AGBL4: variants seen among roughly 807,000 people sequenced by gnomAD.
AGBL4 encodes the protein AGBL carboxypeptidase 4, also known as cytosolic carboxypeptidase 6.
Under a neutral mutation model 66.4 loss-of-function variants are expected in AGBL4, and 58 were observed. That is an observed-to-expected ratio of 0.87 (90% CI 0.71 to 1.09). The LOEUF (loss-of-function observed/expected upper bound fraction) is 1.09. Among genes scored for constraint, AGBL4 ranks in the 50% least tolerant of loss-of-function variants. The probability of loss-of-function intolerance (pLI) is 0.00; values close to 1 mark genes in which losing one functional copy is unlikely to be tolerated. For missense variants in AGBL4, 579 were observed against 631.0 expected (o/e 0.92, Z 0.88); for synonymous variants, 234 against 222.9 (o/e 1.05, Z -0.44).
At chr1:49,700,285 T>C (rs1016616091) in intron 2 of AGBL4, among the ~76,000 whole-genome samples, 2 of 145,460 alleles carry the variant, frequency 1.4e-5, no homozygotes, top group African/African-American at 5.1e-5. Flanking sequence ...ACCAAGAACA[T>C]ATAAAAACAT....
At chr1:49,328,078 A>T (rs1310235139) in intron 3 of AGBL4, among the ~76,000 whole-genome samples, 1 of 152,168 alleles carries the variant, frequency 6.6e-6, no homozygotes, top group Non-Finnish European at 1.5e-5. Context: ...ACAACAAACC[A>T]AAGGTGAAAG....
At chr1:49,909,835 G>C (rs1650640486) in intron 1 of AGBL4, among the ~76,000 whole-genome samples, 1 of 152,114 alleles carries the variant, frequency 6.6e-6, no homozygotes, top group African/African-American at 2.4e-5. Context: ...GAGGATTTAA[G>C]AATAACTTCA....
At chr1:49,157,025 A>G (rs1646444296) in intron 4 of AGBL4, among the ~76,000 whole-genome samples, 1 of 152,292 alleles carries the variant, frequency 6.6e-6, no homozygotes, top group South Asian at 2.1e-4. Flanking sequence ...GTGGGGGTTA[A>G]CTATATTTAT....
intron 1 of AGBL4, among the ~76,000 whole-genome samples, chr1:49,884,302 GGT>G (rs1647770591): frequency 6.6e-6 from 1 of 151,664 alleles, no homozygotes; most frequent in Admixed American, 6.6e-5. Flanking sequence ...TTGTTCTGAA[GGT>G]TATGTAAAAC....
At chr1:49,964,205 T>C (rs1657363082) in intron 1 of AGBL4, among the ~76,000 whole-genome samples, 1 of 152,154 alleles carries the variant, frequency 6.6e-6, no homozygotes, top group Non-Finnish European at 1.5e-5. Context: ...ACATATAATG[T>C]AATGGTGAAG....
chr1:49,976,767 T>C (rs1280094415), intron 1 of AGBL4, among the ~76,000 whole-genome samples: 1 of 152,176 alleles, frequency 6.6e-6, no homozygotes, highest in African/African-American at 2.4e-5. Context: ...CATATATACA[T>C]AGTTTTAAAA....
At chr1:49,749,273 C>T (rs1282045394) in intron 2 of AGBL4, among the ~76,000 whole-genome samples, 3 of 152,034 alleles carry the variant, frequency 2.0e-5, no homozygotes, top group East Asian at 1.9e-4. Flanking sequence ...ATCCTTTCCC[C>T]ATTGCTTGTT....
chr1:49,912,511 C>T (rs1047339136), intron 1 of AGBL4, among the ~76,000 whole-genome samples: 1 of 152,202 alleles, frequency 6.6e-6, no homozygotes, highest in Non-Finnish European at 1.5e-5. Context: ...ATCTTCGCAA[C>T]AACCCTATGA....
chr1:49,719,988 T>A (rs1648473411), intron 2 of AGBL4, among the ~76,000 whole-genome samples: 1 of 152,060 alleles, frequency 6.6e-6, no homozygotes. Flanking sequence ...CCTCTTTCCT[T>A]TATAAATTAC....
At chr1:49,330,913 G>C (rs1325500207) in intron 3 of AGBL4, among the ~76,000 whole-genome samples, 1 of 152,100 alleles carries the variant, frequency 6.6e-6, no homozygotes, top group Non-Finnish European at 1.5e-5. Flanking sequence ...TTGACCCATG[G>C]AGAACAGAGG....
At chr1:49,556,982 G>T (rs531012888) in intron 3 of AGBL4, among the ~76,000 whole-genome samples, 1 of 152,256 alleles carries the variant, frequency 6.6e-6, no homozygotes, top group Admixed American at 6.5e-5. Flanking sequence ...GGCGGTGCCT[G>T]CCGGCTGCTA....
chr1:49,728,213 C>T (rs917483669), intron 2 of AGBL4, among the ~76,000 whole-genome samples: 3 of 152,096 alleles, frequency 2.0e-5, no homozygotes, highest in African/African-American at 7.2e-5. Context: ...GAAGGAAAAT[C>T]CATTTTGCAA....
chr1:49,881,986 A>G (rs1286799242), intron 1 of AGBL4, among the ~76,000 whole-genome samples: 24 of 152,032 alleles, frequency 1.6e-4, no homozygotes, highest in East Asian at 1.2e-3. Flanking sequence ...GAATGGTAAT[A>G]CCTAGGTTTT....
At chr1:48,818,796 A>G (rs755880969) in intron 6 of AGBL4, among the ~76,000 whole-genome samples, 2 of 152,154 alleles carry the variant, frequency 1.3e-5, no homozygotes, top group African/African-American at 4.8e-5. Flanking sequence ...AAATACATCA[A>G]TATAGCAACG....
At chr1:49,436,039 G>A (rs1299466978) in intron 3 of AGBL4, among the ~76,000 whole-genome samples, 1 of 152,148 alleles carries the variant, frequency 6.6e-6, no homozygotes, top group Non-Finnish European at 1.5e-5. Flanking sequence ...CATTCTGACC[G>A]ATATGATTAG....
chr1:48,893,733 G>C (rs994707294), intron 5 of AGBL4, among the ~76,000 whole-genome samples: 8 of 146,248 alleles, frequency 5.5e-5, no homozygotes, highest in Non-Finnish European at 1.5e-5. Context: ...CAGAGAGCTG[G>C]GTAGCTCTCT....
chr1:49,815,611 A>G (rs939986084), intron 2 of AGBL4, among the ~76,000 whole-genome samples: 22 of 152,130 alleles, frequency 1.4e-4, no homozygotes, highest in Admixed American at 3.9e-4. Context: ...CCATAGTTGT[A>G]CTAACTTACA....
chr1:48,935,219 A>G (rs1440062113), intron 5 of AGBL4, among the ~76,000 whole-genome samples: 1 of 152,146 alleles, frequency 6.6e-6, no homozygotes, highest in Non-Finnish European at 1.5e-5. Context: ...ACACTCCAAT[A>G]TATTTCCATT....
intron 3 of AGBL4, among the ~76,000 whole-genome samples, chr1:49,583,263 T>C (rs1644580454): frequency 1.3e-5 from 2 of 152,168 alleles, no homozygotes; most frequent in Non-Finnish European, 1.5e-5. Context: ...CATATCCACA[T>C]ACTAAGAGGG....
Sources: allele counts gnomAD v4.1 joint callset (sites outside exome capture counted in the v4.1 genomes callset), GRCh38; gene constraint gnomAD v4.1.1; transcripts MANE v1.5; gene names NCBI Gene and HGNC (gene_info 2026-07-23, HGNC 2026-07-21).